The following FBXL2 variants were observed in gnomAD, a reference collection of about 807,000 sequenced individuals.
FBXL2 encodes F-box and leucine rich repeat protein 2.
FBXL2 carries 38 observed loss-of-function variants against 69.2 expected under a neutral mutation model. The ratio of observed to expected loss-of-function variants is 0.55; its 90% CI spans 0.42 to 0.72. The LOEUF (loss-of-function observed/expected upper bound fraction) is 0.72. FBXL2 is among the 30% of genes least tolerant of loss of function. The probability of loss-of-function intolerance (pLI) is 0.00; values close to 1 mark genes in which losing one functional copy is unlikely to be tolerated. For missense variants in FBXL2, 354 were observed against 520.3 expected, an observed-to-expected ratio of 0.68 and a Z score of 3.11; for synonymous variants, 192 against 201.3, an observed-to-expected ratio of 0.95 and a Z score of 0.39.
Position 33,302,482 on chromosome 3 carries a change from CT to C in FBXL2, c.65+4760del, listed in dbSNP as rs763049287. 1.1e-4 allele frequency among the ~76,000 whole-genome samples: 16 copies of C among 152,058 alleles called. No homozygotes were observed. The South Asian group carries it at 1.7e-3, about 16-fold the overall frequency. On this transcript the variant is annotated intron_variant, in intron 2 of 14. Transcript: ENST00000484457. ...ATTATAAATTATAATAGTAATTTGA[CT>C]TTAAGTTTTAATTTCTACTATGGTT... is the stretch of plus-strand genomic sequence containing the variant.
At chr3:33,396,169 T>C in intron 12 of FBXL2, 1 of 1,578,774 alleles carries the variant, frequency 6.3e-7, no homozygotes, top group South Asian at 1.1e-5. Flanking sequence ...TACCATAGGG[T>C]GCCCCACTGC....
intron 2 of FBXL2, among the ~76,000 whole-genome samples, chr3:33,315,582 T>C (rs1405174399): frequency 6.6e-6 from 1 of 152,148 alleles, no homozygotes; most frequent in Non-Finnish European, 1.5e-5. Context: ...AGGCATTGTC[T>C]TTTTTGTTTA....
chr3:33,311,664 G>C (rs569566727), intron 2 of FBXL2, among the ~76,000 whole-genome samples: 1 of 151,578 alleles, frequency 6.6e-6, no homozygotes, highest in African/African-American at 2.4e-5. Context: ...TGCTCTGTTC[G>C]CCCAGGCTGG....
chr3:33,326,398 G>A (rs907948609), intron 2 of FBXL2, among the ~76,000 whole-genome samples: 2 of 151,944 alleles, frequency 1.3e-5, no homozygotes, highest in Admixed American at 6.6e-5. Context: ...AGCTACTGGG[G>A]AGGCTGAGGC....
chr3:33,317,789 ATGT>A (rs1478467023), intron 2 of FBXL2, among the ~76,000 whole-genome samples: 2 of 152,174 alleles, frequency 1.3e-5, no homozygotes, highest in Non-Finnish European at 2.9e-5. Flanking sequence ...GGGACTGTAC[ATGT>A]TGAAAATCCC....
downstream of FBXL2, chr3:33,390,345 T>C: frequency 5.6e-6 from 9 of 1,614,182 alleles, no homozygotes; most frequent in Non-Finnish European, 7.6e-6. Flanking sequence ...TTCAAAATTA[T>C]GTGGATGCCA....
chr3:33,277,786 G>A (rs894693074), intron 1 of FBXL2, among the ~76,000 whole-genome samples: 3 of 152,232 alleles, frequency 2.0e-5, no homozygotes, highest in Non-Finnish European at 4.4e-5. Flanking sequence ...CCACCCAGTG[G>A]GCCGCCGGAC....
intron 2 of FBXL2, among the ~76,000 whole-genome samples, chr3:33,302,810 A>G (rs2036401474): frequency 6.6e-6 from 1 of 152,246 alleles, no homozygotes; most frequent in African/African-American, 2.4e-5. Context: ...TATGAAATCA[A>G]AGACACAATT....
downstream of FBXL2, chr3:33,390,113 G>A (rs139688638): frequency 6.7e-5 from 36 of 535,764 alleles, no homozygotes; most frequent in Middle Eastern, 5.1e-4. Context: ...CTGGATGCAT[G>A]CTGTGCCGAT....
Position 33,388,069 on chromosome 3 carries a change from CAAAAA to C in FBXL2, c.*2475_*2479del, listed in dbSNP as rs56269288. ...TGGGTGACAGAGCCAGACTCCGTCT[CAAAAA>C]AAAAAAAAAAAAAGAAAATCAGGTT... On this transcript the variant is annotated 3_prime_UTR_variant, in exon 15 of 15. Transcript: ENST00000484457. 4.1e-5 allele frequency: 4 copies of C among 98,540 alleles called. No homozygotes were observed. Among genetic ancestry groups the C allele is most frequent in the Non-Finnish European group, 6.1e-5 (3 of 49,298 alleles). 6.1% of individuals were successfully genotyped at this position (98,540 alleles called of 1,614,324 possible). A position where few individuals can be genotyped will look rare whatever the true frequency, so the allele number is the denominator to read the frequency against.
intron 2 of FBXL2, among the ~76,000 whole-genome samples, chr3:33,351,294 G>A (rs2040815821): frequency 6.6e-6 from 1 of 151,972 alleles, no homozygotes; most frequent in African/African-American, 2.4e-5. Flanking sequence ...ACCTCCTCCT[G>A]TAACTAATTA....
intron 12 of FBXL2, chr3:33,396,475 T>A (rs146291548): frequency 2.1e-4 from 105 of 510,346 alleles, no homozygotes; most frequent in Middle Eastern, 4.9e-4. Context: ...TGGTCTAATA[T>A]GATGATCCAG....
the FBXL2 span, among the ~76,000 whole-genome samples, chr3:33,412,212 A>G: frequency 1.8e-4 from 27 of 150,246 alleles, no homozygotes; most frequent in African/African-American, 6.1e-4. Flanking sequence ...AAAAAGATAG[A>G]TGGTTTACAA....
At chr3:33,390,709 A>G (rs2043728167), downstream of FBXL2, 1 of 298,028 alleles carries the variant, frequency 3.4e-6, no homozygotes, top group Non-Finnish European at 6.4e-6. Flanking sequence ...CAGGTGAAAT[A>G]TACTGTGTCA....
downstream of FBXL2, chr3:33,388,785 G>A (rs560417314): frequency 2.0e-5 from 3 of 152,174 alleles, no homozygotes; most frequent in African/African-American, 4.8e-5. Flanking sequence ...AAAATAGATC[G>A]TGCTTCTTTG....
chr3:33,381,968 C>A (rs2043094897), intron 13 of FBXL2, among the ~76,000 whole-genome samples: 1 of 152,212 alleles, frequency 6.6e-6, no homozygotes, highest in South Asian at 2.1e-4. Flanking sequence ...CTCTAGCTTC[C>A]CTTCCCTCGA....
chr3:33,421,663 G>A, the FBXL2 span, among the ~76,000 whole-genome samples: 1 of 152,208 alleles, frequency 6.6e-6, no homozygotes, highest in Admixed American at 6.5e-5. Context: ...AGGAAAACTT[G>A]CTCCAATTTC....
intron 12 of FBXL2, chr3:33,396,892 CAAA>C (rs1292046728): frequency 1.3e-6 from 1 of 752,944 alleles, no homozygotes; most frequent in African/African-American, 1.7e-5. Flanking sequence ...AAGGTGTACA[CAAA>C]ACAGTCTTCT....
At chr3:33,393,180 G>C in intron 12 of FBXL2, 1 of 998,722 alleles carries the variant, frequency 1.0e-6, no homozygotes, top group Non-Finnish European at 1.4e-6. Flanking sequence ...CTTCCAAAGT[G>C]ATTCCCAACT....
Sources: gnomAD v4.1 joint callset for allele counts (sites outside exome capture counted in the v4.1 genomes callset) on GRCh38, gnomAD v4.1.1 for gene constraint, MANE v1.5 for transcripts, NCBI Gene and HGNC (gene_info 2026-07-23, HGNC 2026-07-21) for gene names.